The following TUSC3 variants were observed in gnomAD, a reference collection of about 807,000 sequenced individuals.
The protein encoded by TUSC3 is tumor suppressor candidate 3.
A neutral mutation model predicts 44.8 loss-of-function variants in TUSC3; 45 were observed. The ratio of observed to expected loss-of-function variants is 1.00; its 90% CI spans 0.79 to 1.29. TUSC3 has a LOEUF of 1.29. Ranked by LOEUF, TUSC3 falls within the 50% of genes most tolerant of loss-of-function variation. The pLI, the probability that TUSC3 is intolerant of heterozygous loss-of-function variation, is 0.00. For missense variants in TUSC3, 519 were observed against 437.9 expected (o/e 1.19, Z -1.65); for synonymous variants, 212 against 152.9 (o/e 1.39, Z -2.85).
chr8:15,645,571 A>G (rs1195283983), intron 2 of TUSC3, among the ~76,000 whole-genome samples: 4 of 152,022 alleles, frequency 2.6e-5, no homozygotes, highest in Non-Finnish European at 5.9e-5. Flanking sequence ...CTATTCTTTA[A>G]CCTCTTAAAA....
chr8:15,435,683 G>A (rs183109384), intron 1 of TUSC3, among the ~76,000 whole-genome samples: 1 of 152,026 alleles, frequency 6.6e-6, no homozygotes, highest in South Asian at 2.1e-4. Context: ...TTGACTTAGA[G>A]GAATAAAAAT....
At chr8:15,455,027 C>G (rs575588940) in intron 1 of TUSC3, among the ~76,000 whole-genome samples, 2 of 152,046 alleles carry the variant, frequency 1.3e-5, no homozygotes, top group African/African-American at 4.8e-5. Context: ...TTGGAGGGTA[C>G]AAGATGTTTT....
At chr8:15,784,117 C>G in the TUSC3 span, among the ~76,000 whole-genome samples, 1 of 152,092 alleles carries the variant, frequency 6.6e-6, no homozygotes, top group East Asian at 1.9e-4. Flanking sequence ...CACTAATAAT[C>G]ATGGATGTAC....
At chr8:15,587,627 A>G (rs763735760) in intron 1 of TUSC3, among the ~76,000 whole-genome samples, 3 of 152,018 alleles carry the variant, frequency 2.0e-5, no homozygotes, top group Admixed American at 1.3e-4. Context: ...TTTATTGTTA[A>G]CTGTATTTAC....
chr8:15,444,717 C>T (rs1023873724), intron 1 of TUSC3, among the ~76,000 whole-genome samples: 4 of 152,102 alleles, frequency 2.6e-5, no homozygotes, highest in African/African-American at 7.2e-5. Context: ...TCAGTATCTC[C>T]CAAGTATCGG....
At chr8:15,524,763 A>T (rs571983588) in intron 2 of TUSC3, among the ~76,000 whole-genome samples, 1 of 152,236 alleles carries the variant, frequency 6.6e-6, no homozygotes, top group Non-Finnish European at 1.5e-5. Flanking sequence ...TCATGAGCGC[A>T]TAGTGAAGTT....
At chr8:15,817,040 TA>T in the TUSC3 span, among the ~76,000 whole-genome samples, 4 of 151,922 alleles carry the variant, frequency 2.6e-5, no homozygotes, top group African/African-American at 9.7e-5. Flanking sequence ...ACTTGCTTTT[TA>T]AAAAAAAATC....
At chr8:15,696,304 AAGCTCCAAGCCTTGGC>A (rs1018860413) in intron 6 of TUSC3, among the ~76,000 whole-genome samples, 3 of 152,192 alleles carry the variant, frequency 2.0e-5, no homozygotes, top group Admixed American at 2.0e-4. Flanking sequence ...CCGAGGGCAC[AAGCTCCAAGCCTTGGC>A]AGCTTCCATG....
At chr8:15,438,800 A>G (rs989422579) in intron 1 of TUSC3, among the ~76,000 whole-genome samples, 3 of 152,232 alleles carry the variant, frequency 2.0e-5, no homozygotes, top group Non-Finnish European at 4.4e-5. Flanking sequence ...CCTAGGAGCT[A>G]GGCAGAGCAG....
At chr8:15,623,467 C>G (rs1805343450) in intron 2 of TUSC3, among the ~76,000 whole-genome samples, 1 of 152,048 alleles carries the variant, frequency 6.6e-6, no homozygotes, top group Non-Finnish European at 1.5e-5. Context: ...ACCAGTTGCA[C>G]ATATAATCAT....
At chr8:15,425,948 C>T (rs1319607500) in intron 1 of TUSC3, among the ~76,000 whole-genome samples, 1 of 152,132 alleles carries the variant, frequency 6.6e-6, no homozygotes, top group East Asian at 1.9e-4. Context: ...CCCAGGAGTT[C>T]AAGGCTGCAG....
At position 15,748,364 on chromosome 8, in the gene TUSC3, T is replaced by C. The variant is rs1232372037; in HGVS notation, c.938-11T>C. ...TTTTAGACACTAATGGTATTTTCTG[T>C]CTGTTTCTAGTAATTTGCCTAGTGG... On this transcript the variant is annotated splice_polypyrimidine_tract_variant and intron_variant, in intron 8 of 10. Transcript: ENST00000503731. 6.2e-7 allele frequency: 1 copy of C among 1,604,282 alleles called. No homozygotes were observed. The highest frequency in any genetic ancestry group is 1.1e-5 in the South Asian group (1 of 90,900).
chr8:15,814,976 A>G, the TUSC3 span, among the ~76,000 whole-genome samples: 255 of 152,310 alleles, frequency 1.7e-3, no homozygotes, highest in South Asian at 2.9e-3. Context: ...TGTTTAGTTG[A>G]TAGGAAAATA....
intron 1 of TUSC3, among the ~76,000 whole-genome samples, chr8:15,541,514 A>G (rs1801691701): frequency 6.6e-6 from 1 of 152,202 alleles, no homozygotes. Flanking sequence ...CAAAATTTTA[A>G]TAGCTGGGTA....
chr8:15,460,221 T>C (rs978268135), intron 1 of TUSC3, among the ~76,000 whole-genome samples: 1 of 152,124 alleles, frequency 6.6e-6, no homozygotes, highest in Non-Finnish European at 1.5e-5. Flanking sequence ...TTTTTTTGAT[T>C]ATGGCCATTC....
chr8:15,515,878 C>G (rs746087480), intron 2 of TUSC3, among the ~76,000 whole-genome samples: 1 of 151,904 alleles, frequency 6.6e-6, no homozygotes, highest in African/African-American at 2.4e-5. Context: ...ACCATATTGG[C>G]CAGGCTGGTC....
chr8:15,797,840 G>A, the TUSC3 span, among the ~76,000 whole-genome samples: 2 of 152,178 alleles, frequency 1.3e-5, no homozygotes, highest in Non-Finnish European at 2.9e-5. Flanking sequence ...CATCCGCAAC[G>A]GCTGACGTGT....
At chr8:15,563,685 C>G (rs1296219258) in intron 1 of TUSC3, among the ~76,000 whole-genome samples, 1 of 79,974 alleles carries the variant, frequency 1.3e-5, no homozygotes, top group Admixed American at 1.6e-4. Context: ...GCCTCCATCT[C>G]AAAAAAAAAA....
intron 2 of TUSC3, among the ~76,000 whole-genome samples, chr8:15,648,655 G>C (rs1233718992): frequency 6.9e-6 from 1 of 144,664 alleles, no homozygotes; most frequent in African/African-American, 2.5e-5. Context: ...CAACCCAGGA[G>C]GCGGAGCTTG....
Sources: gnomAD v4.1 joint callset for allele counts (sites outside exome capture counted in the v4.1 genomes callset) on GRCh38, gnomAD v4.1.1 for gene constraint, MANE v1.5 for transcripts, NCBI Gene and HGNC (gene_info 2026-07-23, HGNC 2026-07-21) for gene names.